The following SYN1 variants were observed in gnomAD, a reference collection of about 807,000 sequenced individuals.
SYN1 encodes synapsin I, also known as synapsin-1.
A neutral mutation model predicts 44.6 loss-of-function variants in SYN1; 8 were observed. The ratio of observed to expected loss-of-function variants is 0.18; its 90% CI spans 0.11 to 0.32. The LOEUF (loss-of-function observed/expected upper bound fraction) is 0.32, where lower values mean the gene tolerates loss of function less well. SYN1 is among the 10% of genes least tolerant of loss of function. SYN1 has a pLI of 1.00. For synonymous variants in SYN1, 275 were observed against 280.1 expected (o/e 0.98, Z 0.18); for missense variants, 451 against 639.4 (o/e 0.71, Z 3.18).
In SYN1 at chrX:47,586,002, A is replaced by G. The variant is rs748654557; in HGVS notation, c.775-8501T>C. ...TCCCCAGAATGTTCTCCAAGAACCC[A>G]AAGTGCTGTTCCCTAATCCCACTGA... On this transcript the variant is annotated intron_variant, in intron 5 of 12. Transcript: ENST00000295987. 19 of 1,018,679 alleles carry G rather than the reference A, an allele frequency of 1.9e-5. No homozygotes were observed. The South Asian group carries it at 3.8e-4, about 21-fold the overall frequency. 84.0% of individuals were successfully genotyped at this position (1,018,679 alleles called of 1,213,427 possible).
chrX:47,593,393 G>A (rs1007416770), intron 5 of SYN1, among the ~76,000 whole-genome samples: 2 of 107,118 alleles, frequency 1.9e-5, no homozygotes, highest in Non-Finnish European at 3.8e-5. Flanking sequence ...CTCAGCCTCC[G>A]GAGTAGCTGG....
Position 47,572,100 on chromosome X carries a change from C to T in SYN1, c.*764G>A, listed in dbSNP as rs1169706544. On this transcript the variant is annotated 3_prime_UTR_variant, in exon 13 of 13. Transcript: ENST00000295987. ...CCAAGCACGGCACAAAAGGAGGCCA[C>T]GTCAGTCACAGACACAGACACCACA... 1 of 129,112 alleles carries T rather than the reference C, an allele frequency of 7.7e-6. No homozygotes were observed. The highest frequency in any genetic ancestry group is 1.5e-4 in the East Asian group (1 of 6,861). 10.6% of individuals were successfully genotyped at this position (129,112 alleles called of 1,213,427 possible). A position where few individuals can be genotyped will look rare whatever the true frequency, so the allele number is the denominator to read the frequency against.
rs757549494 is a variant in SYN1 at position 47,583,395 on chromosome X, C to T, written c.775-5894G>A. The T allele has an allele frequency of 1.2e-5, 14 of 1,186,210 alleles. No individual in the cohort carries two copies. The Admixed American group carries it at 3.0e-4, about 25-fold the overall frequency. ...CTGGGCCGGGGCCTGCCTGACATCC[C>T]CCTTCCCCACAGAACCCACCATGGC... On this transcript the variant is annotated intron_variant, in intron 5 of 12. Coordinates refer to ENST00000295987, the MANE Select transcript of SYN1 (RefSeq NM_006950.3).
Position 47,605,032 on chromosome X carries a change from C to T in SYN1, c.720G>A (p.Gly240=), listed in dbSNP as rs149166420. The change falls in exon 5 of 13, where the codon GGG becomes GGA. Residue 240 remains glycine, a synonymous_variant. Transcript: ENST00000295987. ...AQMVRLHKKL[G]TEEFPLIDQT... is the part of the protein sequence containing the mutation. Reference sequence around the variant, plus strand: ...GATCAATTAGAGGGAATTCTTCTGTCCCCAGTTTCTTATGCAGTCGAACCA... The same window carrying T: ...GATCAATTAGAGGGAATTCTTCTGTTCCCAGTTTCTTATGCAGTCGAACCA... 7.4e-6 allele frequency: 9 copies of T among 1,210,068 alleles called. No homozygotes were observed. In the African/African-American group the frequency reaches 1.0e-4, roughly 14 times the overall value.
intron 5 of SYN1, chrX:47,585,562 C>T (rs1414080131): frequency 8.3e-7 from 1 of 1,198,735 alleles, no homozygotes; most frequent in Non-Finnish European, 1.1e-6. Flanking sequence ...AGGATGGACT[C>T]TTGCACATCA....
Position 47,577,490 on chromosome X carries a change from T to C in SYN1, c.786A>G (p.Thr262=). The change falls in exon 6 of 13, where the codon ACA becomes ACG. Residue 262 remains threonine, a synonymous_variant. Transcript: ENST00000295987. ...CCATCTTCACAACCACGGGGTACGT[T>C]GTACTGCTGAGCTGGTGGGGAAAAG... ...YPNHKEMLSS[T]TYPVVVKMGH... is the part of the protein sequence containing the mutation. 1 of 1,205,508 alleles carries C rather than the reference T, an allele frequency of 8.3e-7. No homozygotes were observed. Among genetic ancestry groups the C allele is most frequent in the South Asian group, 1.8e-5 (1 of 55,748 alleles).
intron 5 of SYN1, among the ~76,000 whole-genome samples, chrX:47,602,521 A>G (rs1400012603): frequency 9.0e-6 from 1 of 111,105 alleles, no homozygotes; most frequent in Non-Finnish European, 1.9e-5. Flanking sequence ...ACGCACCTGT[A>G]GTCCCAGCTA....
At position 47,577,448 on chromosome X, in the gene SYN1, C is replaced by A; in HGVS notation, c.828G>T (p.Gly276=). The change falls in exon 6 of 13, where the codon GGG becomes GGT. Residue 276 remains glycine (G), a synonymous_variant. Transcript: ENST00000295987. ...CCAGCCAGAGACTCACCTTGCCCAT[C>A]CCAGAGTGTGCGTGCCCCATCTTCA... ...VVVKMGHAHS[G]MGKVKVDNQH... is the part of the protein sequence containing the mutation. 8.3e-7 allele frequency: 1 copy of A among 1,207,531 alleles called. No homozygotes were observed. Among genetic ancestry groups the A allele is most frequent in the Non-Finnish European group, 1.1e-6 (1 of 893,540 alleles).
At position 47,585,174 on chromosome X, in the gene SYN1, A is replaced by G. The variant is rs762006558; in HGVS notation, c.775-7673T>C. ...CCTGGAGTGGGAGGATTATGTCAGT[A>G]AAAGAGACACTTCCCCTCATCCATC... On this transcript the variant is annotated intron_variant, in intron 5 of 12. Coordinates refer to ENST00000295987, the MANE Select transcript of SYN1 (RefSeq NM_006950.3). The G allele has an allele frequency of 7.6e-5, 89 of 1,168,862 alleles. No homozygotes were observed. In the South Asian group the frequency reaches 1.7e-3, roughly 23 times the overall value.
At position 47,604,979 on chromosome X, in the gene SYN1, A is replaced by G; in HGVS notation, c.773T>C (p.Met258Thr). 8.3e-7 allele frequency: 1 copy of G among 1,208,405 alleles called. No individual in the cohort carries two copies. Among genetic ancestry groups the G allele is most frequent in the Non-Finnish European group, 1.1e-6 (1 of 892,832 alleles). ...CCACTCTATTTTCCCCAAACTCACC[A>G]TTTCTTTGTGATTGGGGTAGAAGGT... ...DQTFYPNHKE[M>T]LSSTTYPVVV... Residue 258 changes from methionine to threonine, a missense_variant and splice_region_variant, in exon 5 of 13, where the codon ATG (methionine) becomes ACG (threonine). By Grantham distance (81) the Met-to-Thr change is moderately conservative. This residue lies in a region of SYN1 where 315 missense variants were observed against 451.4 expected (regional missense o/e 0.70). Coordinates refer to ENST00000295987, the MANE Select transcript of SYN1 (RefSeq NM_006950.3).
At chrX:47,584,897 T>C (rs1322502856) in intron 5 of SYN1, 1 of 1,108,484 alleles carries the variant, frequency 9.0e-7, no homozygotes, top group Non-Finnish European at 1.2e-6. Flanking sequence ...TATTGGCTCA[T>C]GCAGTCCATT....
At chrX:47,600,338 T>G (rs765843554) in intron 5 of SYN1, among the ~76,000 whole-genome samples, 1 of 111,023 alleles carries the variant, frequency 9.0e-6, no homozygotes, top group Admixed American at 9.6e-5. Flanking sequence ...ACTATAGGCG[T>G]GTGCCACCAT....
At chrX:47,577,329 T>C in intron 6 of SYN1, 110 bp downstream of exon 6, 1 of 844,432 alleles carries the variant, frequency 1.2e-6, no homozygotes, top group Admixed American at 2.6e-5. Flanking sequence ...CAATTACTTT[T>C]GCACCAACCT....
intron 5 of SYN1, among the ~76,000 whole-genome samples, chrX:47,592,337 CAAATAAATAAATAAATAAAT>C (rs149103285): frequency 3.0e-5 from 3 of 98,625 alleles, no homozygotes; most frequent in African/African-American, 1.1e-4. Flanking sequence ...GATTTTGTCT[CAAATAAATAAATAAATAAAT>C]AAATAAATAA....
rs1014415181 is a variant in SYN1, at chrX:47,572,792, C to CCAAAAGTGAGAAATGGATT, written c.*53_*71dup. 1 of 1,200,393 alleles carries CCAAAAGTGAGAAATGGATT rather than the reference C, an allele frequency of 8.3e-7. No individual in the cohort carries two copies. Among genetic ancestry groups the CCAAAAGTGAGAAATGGATT allele is most frequent in the Non-Finnish European group, 1.1e-6 (1 of 886,522 alleles). ...TGGGTTCTCAAGGGATTTGGAGACT[C>CCAAAAGTGAGAAATGGATT]CAAAAGTGAGAAATGGATTCAGGGC... is the stretch of plus-strand genomic sequence containing the variant. On this transcript the variant is annotated 3_prime_UTR_variant, in exon 13 of 13. Transcript: ENST00000295987.
In SYN1 at chrX:47,581,613, T is replaced by A. The variant is rs780087372; in HGVS notation, c.775-4112A>T. Among the ~76,000 whole-genome samples, 15 of 112,146 alleles carry A rather than the reference T, an allele frequency of 1.3e-4. No individual in the cohort carries two copies. In the South Asian group the frequency reaches 5.5e-3, roughly 41 times the overall value. On this transcript the variant is annotated intron_variant, in intron 5 of 12. Transcript: ENST00000295987. ...GTAGCCTCTGTTTGAATCCCGGCCA[T>A]GCCCTGTGATCTTAGGAAAATTCTA...
rs368138405 is a variant in SYN1 at position 47,603,779 on chromosome X, T to C, written c.774+1199A>G. Among the ~76,000 whole-genome samples, 3 of 110,320 alleles carry C rather than the reference T, an allele frequency of 2.7e-5. No homozygotes were observed. The East Asian group carries it at 8.4e-4, about 31-fold the overall frequency. ...CAATAATCTTTGATGCTATTAGTAA[T>C]GATTATTCAATTTCTACTAGAAACT... On this transcript the variant is annotated intron_variant, in intron 5 of 12. Coordinates refer to ENST00000295987, the MANE Select transcript of SYN1 (RefSeq NM_006950.3).
intron 6 of SYN1, among the ~76,000 whole-genome samples, chrX:47,577,199 A>C (rs762508618): frequency 1.8e-5 from 2 of 110,990 alleles, no homozygotes; most frequent in Non-Finnish European, 3.8e-5. Context: ...GACACACAAA[A>C]TTGGCTGAAT....
chrX:47,606,370 A>G (rs1188769424), intron 3 of SYN1, among the ~76,000 whole-genome samples: 5 of 109,427 alleles, frequency 4.6e-5, no homozygotes, highest in African/African-American at 1.7e-4. Context: ...TATTTATTGA[A>G]TATGAAGTCC....
Sources: allele counts gnomAD v4.1 joint callset (sites outside exome capture counted in the v4.1 genomes callset), GRCh38; gene constraint gnomAD v4.1.1; regional missense constraint gnomAD v4.1.1; transcripts MANE v1.5; gene names NCBI Gene and HGNC (gene_info 2026-07-23, HGNC 2026-07-21).